The following TMEFF2 variants were observed in gnomAD, a reference collection of about 807,000 sequenced individuals.
TMEFF2 encodes tomoregulin-2.
A neutral mutation model predicts 53.8 loss-of-function variants in TMEFF2; 28 were observed. The observed-to-expected ratio is 0.52, with a 90% CI of 0.39 to 0.71. The LOEUF is 0.71. TMEFF2 is among the 30% of genes least tolerant of loss of function. The pLI is 0.00. For synonymous variants in TMEFF2, 162 were observed against 166.3 expected (o/e 0.97, Z 0.20); for missense variants, 353 against 455.2 (o/e 0.78, Z 2.04).
At chr2:191,964,376 T>TTCTTTCTTTC (rs1559063572) in intron 7 of TMEFF2, among the ~76,000 whole-genome samples, 10 of 27,710 alleles carry the variant, frequency 3.6e-4, no homozygotes, top group African/African-American at 8.7e-4. Flanking sequence ...TTCTTTCTCT[T>TTCTTTCTTTC]TCTTTCTTTC....
intron 8 of TMEFF2, 46 bp from the exon 9 acceptor site, chr2:191,953,883 A>ATTCTTTTTTTTTTTT (rs1691969917): frequency 1.9e-6 from 1 of 536,052 alleles, no homozygotes; most frequent in Non-Finnish European, 2.5e-6. Flanking sequence ...TGCTGCATTC[A>ATTCTTTTTTTTTTTT]TTTTTTTTTT....
Position 192,075,297 on chromosome 2 carries a change from AT to A in TMEFF2, c.440-17523del, listed in dbSNP as rs1559114967. ...GAGTACAGTACTATTATATATATATATATATATATATATATATATATATATA... is the reference window on the plus strand; with the variant it reads ...GAGTACAGTACTATTATATATATATAATATATATATATATATATATATATA... On this transcript the variant is annotated intron_variant, in intron 4 of 9. Transcript: ENST00000272771. 1.5e-4 allele frequency among the ~76,000 whole-genome samples: 5 copies of A among 34,336 alleles called. No individual in the cohort carries two copies. The East Asian group carries it at 2.3e-3, about 16-fold the overall frequency. 22.5% of individuals were successfully genotyped at this position (34,336 alleles called of 152,430 possible).
At chr2:191,987,313 A>G (rs1032217815) in intron 7 of TMEFF2, among the ~76,000 whole-genome samples, 14 of 152,198 alleles carry the variant, frequency 9.2e-5, no homozygotes, top group Non-Finnish European at 1.9e-4. Flanking sequence ...GTGATGGTCA[A>G]CAATTTTCCC....
At chr2:192,155,351 T>A (rs531822331) in intron 4 of TMEFF2, among the ~76,000 whole-genome samples, 1 of 151,956 alleles carries the variant, frequency 6.6e-6, no homozygotes, top group East Asian at 1.9e-4. Context: ...TGGGAAAGAG[T>A]AAAGAGAAGA....
intron 4 of TMEFF2, among the ~76,000 whole-genome samples, chr2:192,169,600 A>G (rs927910237): frequency 1.3e-5 from 2 of 152,128 alleles, no homozygotes; most frequent in African/African-American, 2.4e-5. Flanking sequence ...TGACTGTGCA[A>G]GTAAGAAATA....
At position 192,126,405 on chromosome 2, in the gene TMEFF2, A is replaced by G. The variant is rs13389067; in HGVS notation, c.439+53263T>C. Among the ~76,000 whole-genome samples, 772 of 152,338 alleles carry G rather than the reference A, an allele frequency of 5.1e-3. 7 individuals are homozygous for G. The highest frequency in any genetic ancestry group is 0.018 in the African/African-American group (745 of 41,578). On this transcript the variant is annotated intron_variant, in intron 4 of 9. Coordinates refer to ENST00000272771, the MANE Select transcript of TMEFF2 (RefSeq NM_016192.4). Reference sequence around the variant, plus strand: ...GGTTACATAACAGAAAATATTACAAATTATTTTGATATCTCAAATACATTA... The same window carrying G: ...GGTTACATAACAGAAAATATTACAAGTTATTTTGATATCTCAAATACATTA...
intron 5 of TMEFF2, among the ~76,000 whole-genome samples, chr2:192,053,198 T>C (rs189013679): frequency 6.6e-6 from 1 of 152,274 alleles, no homozygotes; most frequent in African/African-American, 2.4e-5. Flanking sequence ...GCCATCTAAT[T>C]ATTATTTTTT....
At chr2:192,046,325 C>T (rs1414726959) in intron 5 of TMEFF2, among the ~76,000 whole-genome samples, 2 of 152,034 alleles carry the variant, frequency 1.3e-5, no homozygotes, top group East Asian at 1.9e-4. Flanking sequence ...GATCATGCCG[C>T]TGCACTTCAG....
intron 7 of TMEFF2, among the ~76,000 whole-genome samples, chr2:191,967,842 C>T (rs1488521310): frequency 6.6e-6 from 1 of 152,124 alleles, no homozygotes; most frequent in East Asian, 1.9e-4. Context: ...GCTCTTCCCG[C>T]ATCCACTCTT....
chr2:192,161,194 G>A (rs936481588), intron 4 of TMEFF2, among the ~76,000 whole-genome samples: 8 of 152,030 alleles, frequency 5.3e-5, no homozygotes, highest in Non-Finnish European at 1.2e-4. Flanking sequence ...TTTGAGACAG[G>A]GTCTTGCTCT....
intron 7 of TMEFF2, among the ~76,000 whole-genome samples, chr2:191,980,023 A>G (rs1380974590): frequency 6.6e-6 from 1 of 152,202 alleles, no homozygotes; most frequent in Non-Finnish European, 1.5e-5. Context: ...CTAGAGAGGT[A>G]GCTCTCAGTC....
In TMEFF2 at chr2:192,024,753, C is replaced by CTT. The variant is rs1406639201; in HGVS notation, c.537-25547_537-25546dup. Among the ~76,000 whole-genome samples the CTT allele has an allele frequency of 9.7e-4, 147 of 152,308 alleles. 1 individual carries two copies. Among genetic ancestry groups the CTT allele is most frequent in the Non-Finnish European group, 3.4e-4 (23 of 68,014 alleles). ...GCTTTATTTATCAATCGTCCAATGA[C>CTT]TTTTGCAAAAACATTTTAAATTAAG... On this transcript the variant is annotated intron_variant, in intron 5 of 9. Transcript: ENST00000272771.
intron 4 of TMEFF2, among the ~76,000 whole-genome samples, chr2:192,088,003 G>A (rs777545470): frequency 3.9e-5 from 6 of 152,090 alleles, no homozygotes; most frequent in Non-Finnish European, 7.4e-5. Context: ...TTTAGAAAAG[G>A]CAAACTCTTT....
At chr2:192,102,796 C>G (rs1190353154) in intron 4 of TMEFF2, among the ~76,000 whole-genome samples, 1 of 151,590 alleles carries the variant, frequency 6.6e-6, no homozygotes, top group Non-Finnish European at 1.5e-5. Flanking sequence ...GTCTTGAAAT[C>G]CTGACTTCAG....
At chr2:192,125,149 T>A (rs772374323) in intron 4 of TMEFF2, among the ~76,000 whole-genome samples, 4 of 152,220 alleles carry the variant, frequency 2.6e-5, no homozygotes, top group Non-Finnish European at 5.9e-5. Context: ...AAAAGTTTTC[T>A]CAGCTGGATG....
intron 4 of TMEFF2, among the ~76,000 whole-genome samples, chr2:192,104,879 G>A (rs1031863764): frequency 4.0e-5 from 6 of 151,872 alleles, no homozygotes; most frequent in African/African-American, 1.2e-4. Context: ...CTATATTTGT[G>A]TCATGAAATC....
At chr2:192,039,047 C>G (rs531142380) in intron 5 of TMEFF2, among the ~76,000 whole-genome samples, 1 of 151,992 alleles carries the variant, frequency 6.6e-6, no homozygotes, top group Admixed American at 6.5e-5. Flanking sequence ...TATTTCCCGC[C>G]CCCCCCATCT....
chr2:192,099,859 T>C (rs943287255), intron 4 of TMEFF2, among the ~76,000 whole-genome samples: 5 of 41,300 alleles, frequency 1.2e-4, no homozygotes, highest in African/African-American at 3.3e-4. Flanking sequence ...GTTTGACAAA[T>C]AGATCAGTGG....
At chr2:192,133,777 G>A (rs1045254636) in intron 4 of TMEFF2, among the ~76,000 whole-genome samples, 1 of 152,130 alleles carries the variant, frequency 6.6e-6, no homozygotes, top group Non-Finnish European at 1.5e-5. Flanking sequence ...CTGTACTGCC[G>A]CAAGGCTTCA....
Sources: allele counts gnomAD v4.1 joint callset (sites outside exome capture counted in the v4.1 genomes callset), GRCh38; gene constraint gnomAD v4.1.1; transcripts MANE v1.5; gene names NCBI Gene and HGNC (gene_info 2026-07-23, HGNC 2026-07-21).